The following TTC28 variants were observed in gnomAD, a reference collection of about 807,000 sequenced individuals.
The protein encoded by TTC28 is tetratricopeptide repeat protein 28.
TTC28 carries 61 observed loss-of-function variants against 198.0 expected under a neutral mutation model. That is an observed-to-expected ratio of 0.31 (90% CI 0.25 to 0.38). The LOEUF (loss-of-function observed/expected upper bound fraction) is 0.38, where lower values mean the gene tolerates loss of function less well. Ranked by LOEUF, TTC28 falls within the 10% of genes least tolerant of loss-of-function variation. The pLI is 1.00. For synonymous variants in TTC28, 1,171 were observed against 1,297.8 expected (o/e 0.90, Z 2.10); for missense variants, 2,678 against 3,164.0 (o/e 0.85, Z 3.69).
At chr22:28,288,125 A>C (rs1335331917) in intron 5 of TTC28, among the ~76,000 whole-genome samples, 1 of 152,124 alleles carries the variant, frequency 6.6e-6, no homozygotes, top group Non-Finnish European at 1.5e-5. Context: ...AATTATGTCT[A>C]AGGCACTATC....
chr22:28,092,570 C>T (rs1334324379), intron 12 of TTC28, among the ~76,000 whole-genome samples: 5 of 152,202 alleles, frequency 3.3e-5, no homozygotes, highest in Non-Finnish European at 7.3e-5. Context: ...GTTTCTATTG[C>T]TGGCCAGCCA....
At chr22:28,259,602 T>C (rs1453808472) in intron 5 of TTC28, among the ~76,000 whole-genome samples, 1 of 152,036 alleles carries the variant, frequency 6.6e-6, no homozygotes, top group African/African-American at 2.4e-5. Context: ...GATCAATGTA[T>C]GTTTCTATGA....
At chr22:28,120,922 G>A (rs1420096454) in intron 6 of TTC28, among the ~76,000 whole-genome samples, 1 of 152,184 alleles carries the variant, frequency 6.6e-6, no homozygotes, top group Non-Finnish European at 1.5e-5. Context: ...TAAGCATAAT[G>A]CTATCAAAAC....
intron 2 of TTC28, among the ~76,000 whole-genome samples, chr22:28,336,750 C>A (rs533155507): frequency 1.8e-4 from 28 of 152,010 alleles, no homozygotes; most frequent in Non-Finnish European, 4.1e-4. Context: ...ATTCGTCTTG[C>A]TAGCAGTCTA....
intron 2 of TTC28, among the ~76,000 whole-genome samples, chr22:28,483,271 T>C (rs1305928528): frequency 6.6e-6 from 1 of 152,046 alleles, no homozygotes; most frequent in Non-Finnish European, 1.5e-5. Flanking sequence ...CATACAGACA[T>C]GTAAGTGTCA....
At chr22:27,993,250 C>A in intron 18 of TTC28, 37 bp downstream of exon 18, 1 of 1,460,690 alleles carries the variant, frequency 6.8e-7, no homozygotes, top group Non-Finnish European at 9.1e-7. Flanking sequence ...CTGCTGTCAG[C>A]CAGGCCTGTT....
chr22:28,073,239 G>A (rs1022978926), intron 12 of TTC28, among the ~76,000 whole-genome samples: 1 of 152,220 alleles, frequency 6.6e-6, no homozygotes, highest in Non-Finnish European at 1.5e-5. Context: ...ACACCTGATT[G>A]AGGAACTGCA....
intron 3 of TTC28, among the ~76,000 whole-genome samples, chr22:28,304,061 G>A (rs984923005): frequency 3.3e-5 from 5 of 152,094 alleles, no homozygotes; most frequent in African/African-American, 1.2e-4. Context: ...CAAGGTGGGA[G>A]GATCACGAGG....
At chr22:28,267,710 C>A (rs1931777555) in intron 5 of TTC28, among the ~76,000 whole-genome samples, 1 of 152,136 alleles carries the variant, frequency 6.6e-6, no homozygotes, top group Admixed American at 6.5e-5. Flanking sequence ...CCAATCAACA[C>A]ACATGAATTA....
intron 5 of TTC28, among the ~76,000 whole-genome samples, chr22:28,198,799 C>G (rs1234753770): frequency 6.6e-6 from 1 of 152,072 alleles, no homozygotes. Context: ...ATCCACCTAG[C>G]AGTTGGAAAG....
intron 5 of TTC28, among the ~76,000 whole-genome samples, chr22:28,287,216 T>C (rs1443470797): frequency 6.6e-6 from 1 of 152,196 alleles, no homozygotes; most frequent in African/African-American, 2.4e-5. Context: ...CCTTATATCT[T>C]ACTTATGACA....
At chr22:28,600,848 G>A (rs774588682) in intron 2 of TTC28, among the ~76,000 whole-genome samples, 2 of 152,198 alleles carry the variant, frequency 1.3e-5, no homozygotes, top group Non-Finnish European at 2.9e-5. Flanking sequence ...GATTCTTCCT[G>A]CATGTACTTA....
At chr22:28,210,844 CCA>C (rs1291469109) in intron 5 of TTC28, among the ~76,000 whole-genome samples, 1 of 151,984 alleles carries the variant, frequency 6.6e-6, no homozygotes, top group Non-Finnish European at 1.5e-5. Context: ...GTCAGATTTA[CCA>C]AAGTTGAAAC....
chr22:28,567,068 A>T (rs915985233), intron 2 of TTC28, among the ~76,000 whole-genome samples: 1 of 152,102 alleles, frequency 6.6e-6, no homozygotes, highest in African/African-American at 2.4e-5. Flanking sequence ...TACAAAAATT[A>T]GCCGGGCATG....
At chr22:28,539,641 A>C (rs2049368217) in intron 2 of TTC28, among the ~76,000 whole-genome samples, 1 of 151,962 alleles carries the variant, frequency 6.6e-6, no homozygotes, top group Non-Finnish European at 1.5e-5. Context: ...GTCTCAAAAA[A>C]AAAAAGGAAA....
intron 5 of TTC28, among the ~76,000 whole-genome samples, chr22:28,226,661 C>G (rs562832917): frequency 3.3e-5 from 5 of 152,150 alleles, no homozygotes; most frequent in Non-Finnish European, 7.3e-5. Flanking sequence ...CTCCTGACCT[C>G]AAGTGATCCA....
chr22:28,473,766 T>C (rs2048128047), intron 2 of TTC28, among the ~76,000 whole-genome samples: 1 of 152,212 alleles, frequency 6.6e-6, no homozygotes, highest in Non-Finnish European at 1.5e-5. Flanking sequence ...TCACCTGCCC[T>C]GCATCAATAT....
chr22:28,342,030 A>G (rs2045839796), intron 2 of TTC28, among the ~76,000 whole-genome samples: 1 of 152,028 alleles, frequency 6.6e-6, no homozygotes, highest in Non-Finnish European at 1.5e-5. Context: ...ATGTTAGTAA[A>G]TTTTGCTATT....
At chr22:27,996,349 T>C in intron 16 of TTC28, 90 bp from the exon 17 acceptor site, 1 of 1,491,540 alleles carries the variant, frequency 6.7e-7, no homozygotes, top group South Asian at 1.3e-5. Context: ...GCCTCGAGGT[T>C]AACCCAGCAG....
Sources: gnomAD v4.1 joint callset for allele counts (sites outside exome capture counted in the v4.1 genomes callset) on GRCh38, gnomAD v4.1.1 for gene constraint, MANE v1.5 for transcripts, NCBI Gene and HGNC (gene_info 2026-07-23, HGNC 2026-07-21) for gene names.